Variants in SPATS2 observed in about 807,000 individuals in gnomAD.
The protein encoded by SPATS2 is spermatogenesis associated serine rich 2.
A neutral mutation model predicts 63.7 loss-of-function variants in SPATS2; 38 were observed. The observed-to-expected ratio is 0.60, with a 90% CI of 0.46 to 0.78. The LOEUF (loss-of-function observed/expected upper bound fraction) is 0.78, where lower values mean the gene tolerates loss of function less well. Among genes scored for constraint, SPATS2 ranks in the 30% least tolerant of loss-of-function variants. SPATS2 has a pLI of 0.00. For synonymous variants in SPATS2, 207 were observed against 232.9 expected, an observed-to-expected ratio of 0.89 and a Z score of 1.01; for missense variants, 588 against 666.2, an observed-to-expected ratio of 0.88 and a Z score of 1.29.
rs529724349 is a variant in SPATS2 at position 49,405,038 on chromosome 12, A to T, written c.-244+33748A>T. 2.0e-5 allele frequency among the ~76,000 whole-genome samples: 3 copies of T among 150,086 alleles called. No homozygotes were observed. The South Asian group carries it at 6.3e-4, about 31-fold the overall frequency. The stretch of plus-strand genomic sequence containing the variant: ...CTTTCACACTGCAGCAGCAGATTTG[A>T]GTGGTTGCAATACAGACTGTATGGC... On this transcript the variant is annotated intron_variant, in intron 2 of 13. Coordinates refer to ENST00000552918, the MANE Select transcript of SPATS2 (RefSeq NM_023071.4).
chr12:49,449,149 GA>G (rs1471164725), intron 2 of SPATS2, among the ~76,000 whole-genome samples: 1 of 152,222 alleles, frequency 6.6e-6, no homozygotes, highest in African/African-American at 2.4e-5. Flanking sequence ...TGTTTGAAGA[GA>G]ATATAATATT....
intron 2 of SPATS2, among the ~76,000 whole-genome samples, chr12:49,446,740 C>T (rs934484121): frequency 6.6e-6 from 1 of 152,182 alleles, no homozygotes; most frequent in Non-Finnish European, 1.5e-5. Context: ...TCCAGATAAT[C>T]CAGACTAATC....
In SPATS2 at chr12:49,490,721, G is replaced by T. The variant is rs1413195677; in HGVS notation, c.254G>T (p.Gly85Val). ...SEVLKEWTVT[G>V]KKKNKKKKNK... The stretch of plus-strand genomic sequence containing the variant: ...GTACTCAAAGAATGGACAGTAACAG[G>T]CAAGAAAAAGGTAAAATGAATTACA... Residue 85 changes from glycine to valine, a missense_variant, in exon 6 of 14, where the codon GGC becomes GTC. Coordinates refer to ENST00000552918, the MANE Select transcript of SPATS2 (RefSeq NM_023071.4). The T allele has an allele frequency of 6.2e-7, 1 of 1,613,664 alleles. No homozygotes were observed.
intron 2 of SPATS2, among the ~76,000 whole-genome samples, chr12:49,452,256 A>G (rs1457879007): frequency 6.6e-6 from 1 of 152,192 alleles, no homozygotes; most frequent in Admixed American, 6.5e-5. Context: ...ATTGTTCCAC[A>G]CATTTCTGAG....
intron 9 of SPATS2, among the ~76,000 whole-genome samples, chr12:49,500,978 T>TA (rs1946558238): frequency 6.6e-6 from 1 of 152,044 alleles, no homozygotes; most frequent in South Asian, 2.1e-4. Context: ...GACAGGGTCT[T>TA]ACTCTGTCTG....
intron 2 of SPATS2, among the ~76,000 whole-genome samples, chr12:49,428,818 TTTTTGCCTAATAGC>T (rs1194313458): frequency 6.6e-6 from 1 of 152,224 alleles, no homozygotes; most frequent in Non-Finnish European, 1.5e-5. Context: ...CCTGGTTTTG[TTTTTGCCTAATAGC>T]TGCCTCCAAT....
intron 2 of SPATS2, among the ~76,000 whole-genome samples, chr12:49,455,510 C>T (rs1332873764): frequency 6.6e-6 from 1 of 152,210 alleles, no homozygotes; most frequent in Non-Finnish European, 1.5e-5. Context: ...CGGGCTCAAG[C>T]AGTGCCCCCA....
At chr12:49,482,099 G>A (rs958578147) in intron 3 of SPATS2, among the ~76,000 whole-genome samples, 1 of 152,216 alleles carries the variant, frequency 6.6e-6, no homozygotes, top group South Asian at 2.1e-4. Flanking sequence ...TGAGGTGTTG[G>A]TTTAAGTTTA....
Position 49,424,641 on chromosome 12 carries a change from A to T in SPATS2, c.-243-36129A>T, listed in dbSNP as rs1339649266. On this transcript the variant is annotated intron_variant, in intron 2 of 13. Coordinates refer to ENST00000552918, the MANE Select transcript of SPATS2 (RefSeq NM_023071.4). ...AATTGGGAAAGTTGATTAAAGCAGG[A>T]AATAAAAAATGATACATACGTACCA... Among the ~76,000 whole-genome samples, 4 of 152,272 alleles carry T rather than the reference A, an allele frequency of 2.6e-5. No homozygotes were observed. In the East Asian group the frequency reaches 7.7e-4, roughly 29 times the overall value.
intron 10 of SPATS2, among the ~76,000 whole-genome samples, chr12:49,515,749 G>A (rs1946827644): frequency 6.6e-6 from 1 of 152,150 alleles, no homozygotes; most frequent in Non-Finnish European, 1.5e-5. Flanking sequence ...GCCAGGCGTG[G>A]TGGCTCACGC....
intron 8 of SPATS2, among the ~76,000 whole-genome samples, chr12:49,497,345 CT>C: frequency 6.6e-6 from 1 of 150,914 alleles, no homozygotes; most frequent in Middle Eastern, 3.5e-3. Context: ...TCATTTTTAT[CT>C]TCTGGTTGAC....
At chr12:49,519,876 G>A (rs2138077134) in intron 11 of SPATS2, among the ~76,000 whole-genome samples, 1 of 149,706 alleles carries the variant, frequency 6.7e-6, no homozygotes, top group African/African-American at 2.5e-5. Flanking sequence ...GCAATGGCGT[G>A]CCATCTCGGT....
At chr12:49,402,469 A>C (rs1245296861) in intron 2 of SPATS2, among the ~76,000 whole-genome samples, 1 of 152,130 alleles carries the variant, frequency 6.6e-6, no homozygotes, top group African/African-American at 2.4e-5. Flanking sequence ...AGTGCAGCTG[A>C]AGTTGAGATT....
At chr12:49,435,101 G>C (rs1433263034) in intron 2 of SPATS2, among the ~76,000 whole-genome samples, 1 of 141,490 alleles carries the variant, frequency 7.1e-6, no homozygotes, top group African/African-American at 2.6e-5. Context: ...CGCAATCTCA[G>C]CTCACTGCAA....
In SPATS2 at chr12:49,368,868, A is replaced by G. The variant is rs1006615020; in HGVS notation, c.-307+1281A>G. ...GCTGACTCATCTAAGATTTATGGAC[A>G]TTAATCAGTTTGTATTTCTCAGCTA... On this transcript the variant is annotated intron_variant, in intron 1 of 13. Coordinates refer to ENST00000552918, the MANE Select transcript of SPATS2 (RefSeq NM_023071.4). Among the ~76,000 whole-genome samples, 3 of 152,320 alleles carry G rather than the reference A, an allele frequency of 2.0e-5. No homozygotes were observed. In the East Asian group the frequency reaches 5.8e-4, roughly 29 times the overall value.
chr12:49,498,143 A>ATATAT (rs1307387821), intron 8 of SPATS2, among the ~76,000 whole-genome samples: 2,592 of 94,644 alleles, frequency 0.027, 29 homozygotes, highest in Middle Eastern at 0.041. Context: ...AAAAAAAAAA[A>ATATAT]AAATATATAT....
intron 2 of SPATS2, among the ~76,000 whole-genome samples, chr12:49,376,101 T>TC (rs1439540123): frequency 6.9e-6 from 1 of 145,610 alleles, no homozygotes; most frequent in Non-Finnish European, 1.5e-5. Flanking sequence ...GATTTTTTTT[T>TC]TTTTTTTTTT....
chr12:49,517,713 A>G (rs890502262), intron 10 of SPATS2, among the ~76,000 whole-genome samples: 3 of 151,838 alleles, frequency 2.0e-5, no homozygotes, highest in African/African-American at 7.3e-5. Context: ...ACATGCTAAG[A>G]CTCCCTTAAA....
At chr12:49,452,438 C>A (rs940057885) in intron 2 of SPATS2, among the ~76,000 whole-genome samples, 5 of 152,294 alleles carry the variant, frequency 3.3e-5, no homozygotes, top group Non-Finnish European at 5.9e-5. Flanking sequence ...CGCCACCACA[C>A]CTGGCCGATT....
Sources: allele counts gnomAD v4.1 joint callset (sites outside exome capture counted in the v4.1 genomes callset), GRCh38; gene constraint gnomAD v4.1.1; transcripts MANE v1.5; gene names NCBI Gene and HGNC (gene_info 2026-07-23, HGNC 2026-07-21).